Variants in LMO3 observed in about 807,000 individuals in gnomAD.
The protein encoded by LMO3 is LIM domain only 3.
LMO3 carries 2 observed loss-of-function variants against 15.8 expected under a neutral mutation model. The observed-to-expected ratio is 0.13, with a 90% CI of 0.05 to 0.40. LMO3 has a LOEUF of 0.40. LMO3 is among the 10% of genes least tolerant of loss of function. LMO3 has a pLI of 0.99. For missense variants in LMO3, 86 were observed against 182.2 expected, an observed-to-expected ratio of 0.47 and a Z score of 3.04; for synonymous variants, 62 against 63.8, an observed-to-expected ratio of 0.97 and a Z score of 0.13.
chr12:16,580,904 C>G (rs1036373006), intron 2 of LMO3, among the ~76,000 whole-genome samples: 29 of 152,108 alleles, frequency 1.9e-4, no homozygotes, highest in African/African-American at 7.0e-4. Flanking sequence ...TGTTTTAAAT[C>G]TATTATGAAT....
In LMO3 at chr12:16,548,888, A is replaced by T. The variant is rs1246265338; in HGVS notation, c.*2334T>A. 1.3e-5 allele frequency: 2 copies of T among 152,182 alleles called. No individual in the cohort carries two copies. Among genetic ancestry groups the T allele is most frequent in the Non-Finnish European group, 2.9e-5 (2 of 68,024 alleles). 9.4% of individuals were successfully genotyped at this position (152,182 alleles called of 1,614,324 possible). Reference sequence around the variant, plus strand: ...AGTAATTTTGTTTGTAGTAAAAAGCATAAGAAATAATTCTCAGCATATTAT... The same window carrying T: ...AGTAATTTTGTTTGTAGTAAAAAGCTTAAGAAATAATTCTCAGCATATTAT... On this transcript the variant is annotated 3_prime_UTR_variant, in exon 4 of 4. Transcript: ENST00000537304. The surrounding 1 kb of genome is among the most constrained non-coding windows in gnomAD (Gnocchi z 4.2).
chr12:16,573,268 T>C (rs1942882069), intron 2 of LMO3, among the ~76,000 whole-genome samples: 2 of 152,080 alleles, frequency 1.3e-5, no homozygotes, highest in South Asian at 4.1e-4. Flanking sequence ...CAGGTCCAAT[T>C]TAAAATCATT....
rs1009392644 is a variant in LMO3, at chr12:16,598,127, A to C, written c.206+2528T>G. On this transcript the variant is annotated intron_variant, in intron 2 of 3. Transcript: ENST00000537304. This position sits in a 1 kb window ranked among gnomAD's most constrained non-coding sequence, Gnocchi z 4.3. ...CTATATTTGTTGATTTACCATACAG[A>C]ATCAGACTATTTTAATTTGCCAATC... is the stretch of plus-strand genomic sequence containing the variant. 17 of 152,066 alleles carry C rather than the reference A, an allele frequency of 1.1e-4. No homozygotes were observed. Among genetic ancestry groups the C allele is most frequent in the Non-Finnish European group, 1.9e-4 (13 of 67,946 alleles). The allele number at this position is 152,066 out of a possible 1,614,324, so 9.4% of individuals were successfully genotyped here.
chr12:16,564,498 T>C (rs1312534468), intron 2 of LMO3, among the ~76,000 whole-genome samples: 3 of 152,194 alleles, frequency 2.0e-5, no homozygotes. Flanking sequence ...TCATTTAACA[T>C]AGCAATAATG....
intron 2 of LMO3, among the ~76,000 whole-genome samples, chr12:16,572,624 A>G (rs933816112): frequency 6.7e-6 from 1 of 148,614 alleles, no homozygotes; most frequent in African/African-American, 2.4e-5. Context: ...CGTATATCCA[A>G]CTTCTAACTT....
rs539473308 is a variant in LMO3, at chr12:16,588,459, A to T, written c.206+12196T>A. 5.9e-5 allele frequency among the ~76,000 whole-genome samples: 9 copies of T among 152,238 alleles called. No individual in the cohort carries two copies. The South Asian group carries it at 1.9e-3, about 32-fold the overall frequency. ...ATAATATAATTCTACTCTATGGAAT[A>T]TTAAATATAATGCTTTACAAGGCCA... On this transcript the variant is annotated intron_variant, in intron 2 of 3. Coordinates refer to ENST00000537304, the MANE Select transcript of LMO3 (RefSeq NM_018640.5).
In LMO3 at chr12:16,560,810, A is replaced by G. The variant is rs1942374764; in HGVS notation, c.207-272T>C. 6.5e-6 allele frequency: 3 copies of G among 463,888 alleles called. No individual in the cohort carries two copies. The highest frequency in any genetic ancestry group is 1.2e-5 in the Non-Finnish European group (3 of 247,388). The allele number at this position is 463,888 out of a possible 1,614,324, so 28.7% of individuals were successfully genotyped here. On this transcript the variant is annotated intron_variant, in intron 2 of 3. Coordinates refer to ENST00000537304, the MANE Select transcript of LMO3 (RefSeq NM_018640.5). The surrounding 1 kb of genome is among the most constrained non-coding windows in gnomAD (Gnocchi z 5.0). ...CGTAACTGCACATAAACAGAAGTCA[A>G]TGGGGGTGAATTCATAGCAAAAATC... is the stretch of plus-strand genomic sequence containing the variant.
At chr12:16,554,872 AT>A (rs1416841379) in intron 3 of LMO3, among the ~76,000 whole-genome samples, 4 of 151,816 alleles carry the variant, frequency 2.6e-5, no homozygotes, top group Non-Finnish European at 5.9e-5. Context: ...GTTAGCCAGG[AT>A]GGTCTCGATC....
Position 16,598,904 on chromosome 12 carries a change from C to T in LMO3, c.206+1751G>A. 1 of 312,398 alleles carries T rather than the reference C, an allele frequency of 3.2e-6. No homozygotes were observed. The highest frequency in any genetic ancestry group is 2.2e-5 in the African/African-American group (1 of 45,362). 19.4% of individuals were successfully genotyped at this position (312,398 alleles called of 1,614,324 possible). A position where few individuals can be genotyped will look rare whatever the true frequency, so the allele number is the denominator to read the frequency against. On this transcript the variant is annotated intron_variant, in intron 2 of 3. Transcript: ENST00000537304. This position sits in a 1 kb window ranked among gnomAD's most constrained non-coding sequence, Gnocchi z 4.3. ...TTTGTCCTTTGGTTTATTAAAACAC[C>T]TTAACATTGCCCGGGCTATATAAAC...
At chr12:16,552,868 A>C (rs1057314457) in intron 3 of LMO3, among the ~76,000 whole-genome samples, 1 of 152,108 alleles carries the variant, frequency 6.6e-6, no homozygotes, top group Non-Finnish European at 1.5e-5. Flanking sequence ...TGTGCAAGCC[A>C]GTTTGATATC....
At chr12:16,575,395 C>A (rs1048844002) in intron 2 of LMO3, among the ~76,000 whole-genome samples, 1 of 152,122 alleles carries the variant, frequency 6.6e-6, no homozygotes, top group South Asian at 2.1e-4. Flanking sequence ...CAAATTAGTC[C>A]AAAGATTTCC....
At chr12:16,566,612 A>G (rs1942620718) in intron 2 of LMO3, among the ~76,000 whole-genome samples, 1 of 152,150 alleles carries the variant, frequency 6.6e-6, no homozygotes, top group Admixed American at 6.5e-5. Flanking sequence ...GACATTTTCT[A>G]TTTTAAAACC....
chr12:16,552,770 G>C (rs1009450633), intron 3 of LMO3, among the ~76,000 whole-genome samples: 1 of 152,028 alleles, frequency 6.6e-6, no homozygotes, highest in Admixed American at 6.5e-5. Context: ...TGGATACAAT[G>C]AACATTCAAG....
At chr12:16,590,620 A>G (rs1943463055) in intron 2 of LMO3, among the ~76,000 whole-genome samples, 1 of 152,010 alleles carries the variant, frequency 6.6e-6, no homozygotes, top group African/African-American at 2.4e-5. Flanking sequence ...AAAAATCGGT[A>G]TCATTGTGAT....
rs1942588631 is a variant in LMO3, at chr12:16,566,001, TATATATATATATATATA to T, written c.207-5480_207-5464del. 6.5e-5 allele frequency among the ~76,000 whole-genome samples: 3 copies of T among 45,846 alleles called. 1 individual carries two copies. In the South Asian group the frequency reaches 2.4e-3, roughly 37 times the overall value. The allele number at this position is 45,846 out of a possible 152,430, so 30.1% of individuals were successfully genotyped here. On this transcript the variant is annotated intron_variant, in intron 2 of 3. Transcript: ENST00000537304. ...AATGTGCCATATATATATATATATA[TATATATATATATATATA>T]TATATATATATATATATATATAAAA...
At chr12:16,554,077 A>G (rs1333837642) in intron 3 of LMO3, among the ~76,000 whole-genome samples, 2 of 152,184 alleles carry the variant, frequency 1.3e-5, no homozygotes, top group Admixed American at 6.5e-5. Flanking sequence ...AAACCATCTA[A>G]TTCTGATGTT....
At position 16,552,761 on chromosome 12, in the gene LMO3, G is replaced by A. The variant is rs568176967; in HGVS notation, c.333-1434C>T. Among the ~76,000 whole-genome samples the A allele has an allele frequency of 5.9e-5, 9 of 152,148 alleles. No homozygotes were observed. The South Asian group carries it at 1.7e-3, about 28-fold the overall frequency. On this transcript the variant is annotated intron_variant, in intron 3 of 3. Transcript: ENST00000537304. ...AGGGTTGTTTGTGGTCAAAGCTACT[G>A]GATACAATGAACATTCAAGTTTGGG...
rs896847791 is a variant in LMO3, at chr12:16,550,719, A to G, written c.*503T>C. ...TAATGTTGATAGACTTGCTTTATCT[A>G]TCTGTGTATCATTAGTGAGATTTGC... On this transcript the variant is annotated 3_prime_UTR_variant, in exon 4 of 4. Transcript: ENST00000537304. 2 of 153,280 alleles carry G rather than the reference A, an allele frequency of 1.3e-5. No homozygotes were observed. The highest frequency in any genetic ancestry group is 4.8e-5 in the African/African-American group (2 of 41,450). 9.5% of individuals were successfully genotyped at this position (153,280 alleles called of 1,614,324 possible). A position where few individuals can be genotyped will look rare whatever the true frequency, so the allele number is the denominator to read the frequency against.
At chr12:16,573,582 C>T (rs1012357336) in intron 2 of LMO3, 3 of 152,300 alleles carry the variant, frequency 2.0e-5, no homozygotes, top group Admixed American at 2.0e-4. Context: ...GAGCCTTAAG[C>T]TTCTTAATGT....
Sources: allele counts gnomAD v4.1 joint callset (sites outside exome capture counted in the v4.1 genomes callset), GRCh38; gene constraint gnomAD v4.1.1; non-coding constraint Gnocchi (gnomAD v3.1); transcripts MANE v1.5; gene names NCBI Gene and HGNC (gene_info 2026-07-23, HGNC 2026-07-21).